Variants in OPCML observed in about 807,000 individuals in gnomAD.
The protein encoded by OPCML is opioid-binding protein/cell adhesion molecule.
Under a neutral mutation model 37.8 loss-of-function variants are expected in OPCML, and 13 were observed. The observed-to-expected ratio is 0.34, with a 90% CI of 0.22 to 0.55. The LOEUF is 0.55. Among genes scored for constraint, OPCML ranks in the 20% least tolerant of loss-of-function variants. OPCML has a pLI of 0.91. For synonymous variants in OPCML, 176 were observed against 168.8 expected (o/e 1.04, Z -0.33); for missense variants, 341 against 435.6 (o/e 0.78, Z 1.93).
At chr11:132,509,795 C>A (rs1446019178) in intron 4 of OPCML, among the ~76,000 whole-genome samples, 1 of 152,216 alleles carries the variant, frequency 6.6e-6, no homozygotes, top group Admixed American at 6.5e-5. Flanking sequence ...GTGGGGCCCT[C>A]ATGGAGAACC....
chr11:132,626,401 T>C (rs1591640715), intron 3 of OPCML, among the ~76,000 whole-genome samples: 1 of 151,972 alleles, frequency 6.6e-6, no homozygotes, highest in East Asian at 1.9e-4. Flanking sequence ...AAAAGTAAGA[T>C]ACTATGAGGA....
chr11:133,518,658 G>A (rs1273426781), intron 1 of OPCML, among the ~76,000 whole-genome samples: 1 of 148,614 alleles, frequency 6.7e-6, no homozygotes, highest in Non-Finnish European at 1.5e-5. Flanking sequence ...GCTGTGGCGT[G>A]GGCAGTGGCA....
chr11:132,742,102 T>A (rs1945452078), intron 2 of OPCML, among the ~76,000 whole-genome samples: 1 of 151,854 alleles, frequency 6.6e-6, no homozygotes. Context: ...GTAAATGGTG[T>A]GAGATAATGA....
chr11:132,841,022 T>C (rs1417737599), intron 2 of OPCML, among the ~76,000 whole-genome samples: 4 of 151,838 alleles, frequency 2.6e-5, no homozygotes, highest in Admixed American at 2.6e-4. Context: ...AACCTCAGAG[T>C]CGTCATCGTT....
chr11:133,358,299 C>T (rs528564011), intron 1 of OPCML, among the ~76,000 whole-genome samples: 1 of 152,238 alleles, frequency 6.6e-6, no homozygotes, highest in African/African-American at 2.4e-5. Flanking sequence ...TCCAGAAGGG[C>T]AGGGATTCTA....
At chr11:133,058,623 A>G (rs1326927169) in intron 1 of OPCML, among the ~76,000 whole-genome samples, 9 of 152,080 alleles carry the variant, frequency 5.9e-5, no homozygotes, top group Non-Finnish European at 1.2e-4. Flanking sequence ...CTCTGGAGGG[A>G]CCAGGCATCT....
At chr11:133,181,320 C>T (rs1005415216) in intron 1 of OPCML, among the ~76,000 whole-genome samples, 2 of 118,424 alleles carry the variant, frequency 1.7e-5, no homozygotes, top group African/African-American at 6.6e-5. Context: ...GTCAATATTC[C>T]GGTTGTGATT....
intron 4 of OPCML, among the ~76,000 whole-genome samples, chr11:132,443,353 T>G (rs916985719): frequency 6.6e-6 from 1 of 152,096 alleles, no homozygotes; most frequent in African/African-American, 2.4e-5. Context: ...AGGAAGCCAG[T>G]GGGAGTGGGC....
At chr11:132,438,107 T>C (rs2096019280) in intron 4 of OPCML, among the ~76,000 whole-genome samples, 2 of 152,218 alleles carry the variant, frequency 1.3e-5, no homozygotes, top group Admixed American at 1.3e-4. Context: ...AACTTGTCAT[T>C]TATAATTCAA....
At chr11:133,034,868 A>T (rs1309711519) in intron 1 of OPCML, among the ~76,000 whole-genome samples, 6 of 150,576 alleles carry the variant, frequency 4.0e-5, no homozygotes, top group African/African-American at 1.5e-4. Context: ...TTTTTTATGC[A>T]CCCCTCATCC....
chr11:133,400,746 T>C (rs1565614424), intron 1 of OPCML, among the ~76,000 whole-genome samples: 1 of 152,208 alleles, frequency 6.6e-6, no homozygotes, highest in Non-Finnish European at 1.5e-5. Context: ...ATGCTCTTCC[T>C]CTTAAGTGAT....
At chr11:132,749,164 T>C (rs1252751552) in intron 2 of OPCML, among the ~76,000 whole-genome samples, 2 of 152,114 alleles carry the variant, frequency 1.3e-5, no homozygotes, top group Non-Finnish European at 2.9e-5. Flanking sequence ...AACGAGAAGA[T>C]AGCTGTCAGT....
chr11:133,005,519 T>G, intron 1 of OPCML: 1 of 985,414 alleles, frequency 1.0e-6, no homozygotes, highest in Non-Finnish European at 1.2e-6. Flanking sequence ...TGAGTGCAGC[T>G]TATCTCCTCT....
chr11:132,482,705 A>C (rs935874317), intron 4 of OPCML, among the ~76,000 whole-genome samples: 101 of 152,324 alleles, frequency 6.6e-4, no homozygotes, highest in Non-Finnish European at 1.3e-3. Flanking sequence ...GCAGCACATC[A>C]AAAAGCTTAT....
chr11:132,804,309 A>G (rs1203224658), intron 2 of OPCML, among the ~76,000 whole-genome samples: 1 of 152,142 alleles, frequency 6.6e-6, no homozygotes, highest in Non-Finnish European at 1.5e-5. Context: ...GCGGAGCCCA[A>G]GTGGAAAAAT....
chr11:132,425,305 G>T (rs2095974478), intron 7 of OPCML, among the ~76,000 whole-genome samples: 1 of 152,176 alleles, frequency 6.6e-6, no homozygotes, highest in East Asian at 1.9e-4. Context: ...TGGGAAGAAA[G>T]CCATTTGGAA....
chr11:133,290,276 C>T (rs1490799724), intron 1 of OPCML, among the ~76,000 whole-genome samples: 1 of 152,132 alleles, frequency 6.6e-6, no homozygotes, highest in Non-Finnish European at 1.5e-5. Flanking sequence ...GTAGAGTTGC[C>T]ATAGTTTCGT....
chr11:132,998,755 A>G (rs1565389720), intron 1 of OPCML, among the ~76,000 whole-genome samples: 1 of 152,124 alleles, frequency 6.6e-6, no homozygotes, highest in Non-Finnish European at 1.5e-5. Context: ...AAAAGGCCCA[A>G]ATGAGACACC....
chr11:133,239,347 C>G (rs1158136830), intron 1 of OPCML, among the ~76,000 whole-genome samples: 1 of 152,202 alleles, frequency 6.6e-6, no homozygotes, highest in Non-Finnish European at 1.5e-5. Flanking sequence ...GGTGTTCAGT[C>G]CAATACAGAC....
Sources: gnomAD v4.1 joint callset for allele counts (sites outside exome capture counted in the v4.1 genomes callset) on GRCh38, gnomAD v4.1.1 for gene constraint, MANE v1.5 for transcripts, NCBI Gene and HGNC (gene_info 2026-07-23, HGNC 2026-07-21) for gene names.